C1orf87: variants seen among roughly 807,000 people sequenced by gnomAD.
C1orf87 encodes uncharacterized protein C1orf87.
A neutral mutation model predicts 60.5 loss-of-function variants in C1orf87; 58 were observed. That is an observed-to-expected ratio of 0.96 (90% CI 0.78 to 1.19). The LOEUF (loss-of-function observed/expected upper bound fraction) is 1.19, where lower values mean the gene tolerates loss of function less well. Ranked by LOEUF, C1orf87 falls within the 50% of genes most tolerant of loss-of-function variation. C1orf87 has a pLI of 0.00. For missense variants in C1orf87, 673 were observed against 638.6 expected, an observed-to-expected ratio of 1.05 and a Z score of -0.58; for synonymous variants, 236 against 227.4, an observed-to-expected ratio of 1.04 and a Z score of -0.34.
rs138928222 is a variant in C1orf87 at position 60,012,874 on chromosome 1, C to T, written c.1128-2418G>A. Among the ~76,000 whole-genome samples the T allele has an allele frequency of 2.4e-3, 368 of 152,240 alleles. 1 individual carries two copies. Among genetic ancestry groups the T allele is most frequent in the Middle Eastern group, 6.8e-3 (2 of 294 alleles). On this transcript the variant is annotated intron_variant, in intron 8 of 11. Coordinates refer to ENST00000371201, the MANE Select transcript of C1orf87 (RefSeq NM_152377.3). Reference sequence around the variant, plus strand: ...TTTATGCCCTGACTCCAAATCTATTCGAACGTAATGTAACTTGACTTCATT... The same window carrying T: ...TTTATGCCCTGACTCCAAATCTATTTGAACGTAATGTAACTTGACTTCATT...
At position 60,065,405 on chromosome 1, in the gene C1orf87, A is replaced by G. The variant is rs188495864; in HGVS notation, c.107+7132T>C. Among the ~76,000 whole-genome samples the G allele has an allele frequency of 8.8e-3, 1,344 of 152,156 alleles. 10 individuals are homozygous for G. Among genetic ancestry groups the G allele is most frequent in the Middle Eastern group, 0.017 (5 of 294 alleles). ...GCTAACCTGGGATAATTCTCATTGC[A>G]TAATTCTAGCTGCTTATCTCTGCAC... On this transcript the variant is annotated intron_variant, in intron 2 of 11. Coordinates refer to ENST00000371201, the MANE Select transcript of C1orf87 (RefSeq NM_152377.3).
At chr1:60,058,665 A>G (rs1645473645) in intron 2 of C1orf87, among the ~76,000 whole-genome samples, 1 of 152,216 alleles carries the variant, frequency 6.6e-6, no homozygotes, top group South Asian at 2.1e-4. Context: ...AATTAAGGCC[A>G]GGAAAGTTGA....
intron 7 of C1orf87, 91 bp downstream of exon 7, chr1:60,033,385 A>G (rs950908362): frequency 4.9e-6 from 6 of 1,224,268 alleles, no homozygotes; most frequent in African/African-American, 1.5e-5. Context: ...CACAGGCAGA[A>G]TATGGATCAG....
At chr1:60,072,382 G>C (rs899464286) in intron 2 of C1orf87, among the ~76,000 whole-genome samples, 155 bp downstream of exon 2, 3 of 152,168 alleles carry the variant, frequency 2.0e-5, no homozygotes, top group Non-Finnish European at 2.9e-5. Flanking sequence ...AGTGCACATG[G>C]AAGTTATCAA....
chr1:59,992,914 C>T (rs1644934929), intron 11 of C1orf87, among the ~76,000 whole-genome samples: 1 of 152,144 alleles, frequency 6.6e-6, no homozygotes, highest in Non-Finnish European at 1.5e-5. Context: ...GAACAGTGGT[C>T]CTTTCATTTA....
At chr1:60,065,061 A>G (rs1010623731) in intron 2 of C1orf87, among the ~76,000 whole-genome samples, 4 of 110,216 alleles carry the variant, frequency 3.6e-5, no homozygotes, top group East Asian at 2.3e-4. Flanking sequence ...TAAAATATAT[A>G]TTATTTATAT....
chr1:60,006,937 G>C (rs1315958438), intron 9 of C1orf87, among the ~76,000 whole-genome samples: 5 of 150,694 alleles, frequency 3.3e-5, no homozygotes, highest in African/African-American at 4.9e-5. Context: ...TTTCTGACAG[G>C]GTCTCACTCT....
intron 9 of C1orf87, among the ~76,000 whole-genome samples, chr1:60,002,933 A>G (rs1645017764): frequency 6.6e-6 from 1 of 151,590 alleles, no homozygotes; most frequent in South Asian, 2.1e-4. Flanking sequence ...GGGATCTAGA[A>G]CTGGAAATAC....
intron 7 of C1orf87, among the ~76,000 whole-genome samples, chr1:60,031,689 G>T (rs2100284578): frequency 6.6e-6 from 1 of 152,080 alleles, no homozygotes; most frequent in Admixed American, 6.6e-5. Flanking sequence ...TAGATATTTG[G>T]GACCCAGATT....
At chr1:60,067,571 T>C (rs1645556435) in intron 2 of C1orf87, among the ~76,000 whole-genome samples, 1 of 147,534 alleles carries the variant, frequency 6.8e-6, no homozygotes, top group Non-Finnish European at 1.5e-5. Flanking sequence ...TTTTTTTTTT[T>C]TTTTTTTTTT....
chr1:60,068,900 G>A (rs1645566171), intron 2 of C1orf87, among the ~76,000 whole-genome samples: 2 of 152,064 alleles, frequency 1.3e-5, no homozygotes, highest in Admixed American at 1.3e-4. Flanking sequence ...AGTAACATCT[G>A]GATGTTATTT....
chr1:60,012,866 A>G (rs1397103094), intron 8 of C1orf87, among the ~76,000 whole-genome samples: 2 of 152,180 alleles, frequency 1.3e-5, no homozygotes, highest in African/African-American at 2.4e-5. Flanking sequence ...CCTGACTCCA[A>G]ATCTATTCGA....
At chr1:60,069,053 G>A (rs1377307101) in intron 2 of C1orf87, among the ~76,000 whole-genome samples, 3 of 152,026 alleles carry the variant, frequency 2.0e-5, no homozygotes, top group African/African-American at 7.2e-5. Flanking sequence ...TCTGTGCTGG[G>A]GATATAGTTG....
chr1:60,063,402 C>T (rs926953161), intron 2 of C1orf87, among the ~76,000 whole-genome samples: 14 of 152,088 alleles, frequency 9.2e-5, no homozygotes, highest in African/African-American at 3.4e-4. Context: ...TTGTGTCACT[C>T]CCAAGTTACT....
chr1:60,068,203 G>C (rs964980617), intron 2 of C1orf87, among the ~76,000 whole-genome samples: 1 of 152,006 alleles, frequency 6.6e-6, no homozygotes, highest in African/African-American at 2.4e-5. Context: ...ACATCTCTCT[G>C]TCTGAATACC....
intron 3 of C1orf87, among the ~76,000 whole-genome samples, chr1:60,046,643 A>G (rs1261399146): frequency 6.6e-6 from 1 of 151,708 alleles, no homozygotes; most frequent in African/African-American, 2.4e-5. Flanking sequence ...TTGCTAGGTT[A>G]CCCAGAGTGG....
chr1:60,025,507 TAA>T lies in C1orf87; in HGVS notation c.1030-11_1030-10del. On this transcript the variant is annotated splice_polypyrimidine_tract_variant and intron_variant, in intron 7 of 11. Coordinates refer to ENST00000371201, the MANE Select transcript of C1orf87 (RefSeq NM_152377.3). Reference sequence around the variant, plus strand: ...CCACATATAGCCCTGACCTACAAGTTAAAAAAAAATAAAAAAGATTTGATGTT... The same window carrying T: ...CCACATATAGCCCTGACCTACAAGTTAAAAAAATAAAAAAGATTTGATGTT... 1.3e-6 allele frequency: 2 copies of T among 1,523,968 alleles called. No individual in the cohort carries two copies. Among genetic ancestry groups the T allele is most frequent in the Admixed American group, 2.1e-5 (1 of 48,336 alleles). 94.4% of individuals were successfully genotyped at this position (1,523,968 alleles called of 1,614,324 possible).
In C1orf87 at chr1:59,997,795, G is replaced by A. The variant is rs1644973744; in HGVS notation, c.1294C>T (p.Gln432Ter). 1.9e-6 allele frequency: 3 copies of A among 1,613,516 alleles called. No homozygotes were observed. Among genetic ancestry groups the A allele is most frequent in the African/African-American group, 2.7e-5 (2 of 74,898 alleles). Residue 432 changes from glutamine (Q) to a stop codon, truncating the protein, a stop_gained, in exon 11 of 12, where the codon CAG becomes TAG. Transcript: ENST00000371201. LOFTEE classifies it high-confidence loss of function. The stretch of plus-strand genomic sequence containing the variant: ...GTTTCAGCAGGAGAGCTTTCTGGCT[G>A]CAGCTCCTCTTCTGGAGTTTTCTAC... Reference protein sequence around the residue: ...EHMKTPEEELQPESSPAETSA... With the variant: ...EHMKTPEEEL
At chr1:60,038,771 AAT>A (rs1455152429) in intron 5 of C1orf87, among the ~76,000 whole-genome samples, 1 of 152,188 alleles carries the variant, frequency 6.6e-6, no homozygotes, top group Non-Finnish European at 1.5e-5. Context: ...CCAAGTGAAA[AAT>A]CTGAAGACCT....
Sources: gnomAD v4.1 joint callset for allele counts (sites outside exome capture counted in the v4.1 genomes callset) on GRCh38, gnomAD v4.1.1 for gene constraint, MANE v1.5 for transcripts, NCBI Gene and HGNC (gene_info 2026-07-23, HGNC 2026-07-21) for gene names.